Variants in ANKLE2 observed in about 807,000 individuals in gnomAD.
The protein encoded by ANKLE2 is ankyrin repeat and LEM domain containing 2.
Under a neutral mutation model 84.2 loss-of-function variants are expected in ANKLE2, and 55 were observed. That is an observed-to-expected ratio of 0.65 (90% CI 0.53 to 0.82). ANKLE2 has a LOEUF of 0.82. ANKLE2 is among the 40% of genes least tolerant of loss of function. The probability of loss-of-function intolerance (pLI) is 0.00; values close to 1 mark genes in which losing one functional copy is unlikely to be tolerated. For synonymous variants in ANKLE2, 551 were observed against 486.1 expected (o/e 1.13, Z -1.76); for missense variants, 1,238 against 1,201.9 (o/e 1.03, Z -0.44).
chr12:132,733,653 A>G (rs1423515737), intron 10 of ANKLE2, among the ~76,000 whole-genome samples: 14 of 105,528 alleles, frequency 1.3e-4, no homozygotes, highest in South Asian at 3.5e-4. Flanking sequence ...TGTCTGAAAT[A>G]CACTGTGTGA....
intron 2 of ANKLE2, among the ~76,000 whole-genome samples, chr12:132,752,192 T>C (rs1053724842): frequency 3.0e-4 from 46 of 151,890 alleles, no homozygotes; most frequent in African/African-American, 1.1e-3. Context: ...AATATAAAAT[T>C]AGCCGGGCGT....
chr12:132,737,686 G>C (rs1231502340), intron 7 of ANKLE2: 1 of 152,210 alleles, frequency 6.6e-6, no homozygotes, highest in Non-Finnish European at 1.5e-5. Flanking sequence ...CTGCACTCCA[G>C]CCTGAGCGAC....
At chr12:132,753,468 A>G (rs1334967630) in intron 2 of ANKLE2, among the ~76,000 whole-genome samples, 1 of 151,910 alleles carries the variant, frequency 6.6e-6, no homozygotes, top group Non-Finnish European at 1.5e-5. Flanking sequence ...CCGCCTCTAT[A>G]AAAAATACAA....
intron 7 of ANKLE2, among the ~76,000 whole-genome samples, chr12:132,741,047 C>T (rs899823139): frequency 6.6e-6 from 1 of 152,194 alleles, no homozygotes; most frequent in African/African-American, 2.4e-5. Flanking sequence ...CCTGCCTCTC[C>T]CTGAGCTGTT....
In ANKLE2 at chr12:132,728,693, G is replaced by A. The variant is rs567179256; in HGVS notation, c.2484-530C>T. ...AGGCCAGGGAGGCGGATGCAGACTC[G>A]CTGTTCTGTGATGAGAAGAGCAGGG... is the stretch of plus-strand genomic sequence containing the variant. On this transcript the variant is annotated intron_variant, in intron 11 of 12. Transcript: ENST00000357997. Among the ~76,000 whole-genome samples the A allele has an allele frequency of 2.0e-5, 3 of 152,322 alleles. No homozygotes were observed. The East Asian group carries it at 5.8e-4, about 29-fold the overall frequency.
rs1435345207 is a variant in ANKLE2 at position 132,725,954 on chromosome 12, A to G, written c.*1288T>C. ...TCCTGACCTATCTCTTGTCATATGA[A>G]AGAAAGAAGCCTTTTTTTAAAACAA... On this transcript the variant is annotated 3_prime_UTR_variant, in exon 13 of 13. Coordinates refer to ENST00000357997, the MANE Select transcript of ANKLE2 (RefSeq NM_015114.3). 1 of 152,230 alleles carries G rather than the reference A, an allele frequency of 6.6e-6. No individual in the cohort carries two copies. The highest frequency in any genetic ancestry group is 2.4e-5 in the African/African-American group (1 of 41,458). 9.4% of individuals were successfully genotyped at this position (152,230 alleles called of 1,614,324 possible). A position where few individuals can be genotyped will look rare whatever the true frequency, so the allele number is the denominator to read the frequency against.
chr12:132,737,041 C>T lies in ANKLE2; in HGVS notation c.1445G>A (p.Arg482Lys). The change falls in exon 8 of 13, where the codon AGA (arginine) becomes AAA (lysine). Residue 482 changes from arginine to lysine, a missense_variant. By Grantham distance (26) the Arg-to-Lys change is conservative. Transcript: ENST00000357997. Reference protein sequence around the residue: ...LKGHYYVPLLRAEETSSPVIG... With the variant: ...LKGHYYVPLLKAEETSSPVIG... ...GACTGGAGAAGAAGTCTCTTCCGCT[C>T]TCAGGAGGGGCACGTAGTAGTGGCC... 6.2e-7 allele frequency: 1 copy of T among 1,607,224 alleles called. No individual in the cohort carries two copies. The highest frequency in any genetic ancestry group is 8.5e-7 in the Non-Finnish European group (1 of 1,174,998).
At chr12:132,756,571 T>C (rs1334745224) in intron 1 of ANKLE2, 1 of 150,852 alleles carries the variant, frequency 6.6e-6, no homozygotes, top group Non-Finnish European at 1.5e-5. Context: ...GGGGGAGTAA[T>C]ACATCTGAAT....
chr12:132,729,768 G>T lies in ANKLE2; in HGVS notation c.2394C>A (p.Ile798=). 1 of 1,612,156 alleles carries T rather than the reference G, an allele frequency of 6.2e-7. No homozygotes were observed. Among genetic ancestry groups the T allele is most frequent in the Non-Finnish European group, 8.5e-7 (1 of 1,179,646 alleles). Residue 798 remains isoleucine, a synonymous_variant, in exon 11 of 13, where the codon ATC becomes ATA. Coordinates refer to ENST00000357997, the MANE Select transcript of ANKLE2 (RefSeq NM_015114.3). Reference sequence around the variant, plus strand: ...TGCTGGGACTCAAGGACATTTTAGCGATCCTGGCTGACATTTCACTTTCTG... The same window carrying T: ...TGCTGGGACTCAAGGACATTTTAGCTATCCTGGCTGACATTTCACTTTCTG... The part of the protein sequence containing the change: ...RRTESEMSAR[I]AKMSLSPSSP...
chr12:132,749,328 G>A lies in ANKLE2; in HGVS notation c.848-997C>T, dbSNP rs535148494. On this transcript the variant is annotated intron_variant, in intron 3 of 12. Coordinates refer to ENST00000357997, the MANE Select transcript of ANKLE2 (RefSeq NM_015114.3). ...CTGCCACCACGGCCAGCTAATTTTC[G>A]TATTTTTAATAGAGACGGGGTTTCA... Among the ~76,000 whole-genome samples, 464 of 151,658 alleles carry A rather than the reference G, an allele frequency of 3.1e-3. 2 individuals are homozygous for A. The highest frequency in any genetic ancestry group is 0.011 in the African/African-American group (444 of 41,370).
Position 132,754,979 on chromosome 12 carries a change from C to T in ANKLE2, c.336G>A (p.Glu112=), listed in dbSNP as rs2044446430. Reference sequence around the variant, plus strand: ...AGAAAGAAGACAGCCTTCCTCCTTGCTCCAGTAAAGCCTGAGCCAATTTTT... The same window carrying T: ...AGAAAGAAGACAGCCTTCCTCCTTGTTCCAGTAAAGCCTGAGCCAATTTTT... The part of the protein sequence containing the change: ...FEKKLAQALL[E]QGGRLSSFYH... Residue 112 remains glutamate, a synonymous_variant, in exon 2 of 13, where the codon GAG becomes GAA. Coordinates refer to ENST00000357997, the MANE Select transcript of ANKLE2 (RefSeq NM_015114.3). 1.2e-6 allele frequency: 2 copies of T among 1,614,210 alleles called. No individual in the cohort carries two copies. The highest frequency in any genetic ancestry group is 2.2e-5 in the East Asian group (1 of 44,884).
At chr12:132,757,236 A>C (rs534795969) in intron 1 of ANKLE2, 3 of 152,414 alleles carry the variant, frequency 2.0e-5, no homozygotes, top group South Asian at 4.1e-4. Flanking sequence ...GGGCAAAGCA[A>C]ATAATTGGAA....
rs2044279074 is a variant in ANKLE2, at chr12:132,748,137, C to T, written c.1041+1G>A. The T allele has an allele frequency of 2.5e-6, 4 of 1,612,906 alleles. No individual in the cohort carries two copies. Among genetic ancestry groups the T allele is most frequent in the Non-Finnish European group, 3.4e-6 (4 of 1,179,252 alleles). On this transcript the variant is annotated splice_donor_variant, in intron 4 of 12. Transcript: ENST00000357997. LOFTEE classifies it high-confidence loss of function. ...TGCCCGAGGGAACCGCCGAGACCTA[C>T]CTGCACGATAGTGGGGTTGTCTCCT... is the stretch of plus-strand genomic sequence containing the variant.
At chr12:132,756,100 C>T (rs1234382139) in intron 1 of ANKLE2, 1 of 151,880 alleles carries the variant, frequency 6.6e-6, no homozygotes, top group Non-Finnish European at 1.5e-5. Flanking sequence ...GGATTACAGG[C>T]ATAAGCCACC....
At chr12:132,741,267 G>T in intron 7 of ANKLE2, 152 bp downstream of exon 7, 1 of 709,308 alleles carries the variant, frequency 1.4e-6, no homozygotes, top group Non-Finnish European at 2.4e-6. Flanking sequence ...GAGAGCTCAG[G>T]AGAAGAAAGG....
At chr12:132,751,645 C>T (rs1296125845) in intron 2 of ANKLE2, among the ~76,000 whole-genome samples, 1 of 151,752 alleles carries the variant, frequency 6.6e-6, no homozygotes, top group East Asian at 1.9e-4. Context: ...CAGGTCCAAG[C>T]GATTCTCCCG....
chr12:132,727,543 C>A, intron 12 of ANKLE2, 100 bp from the exon 13 acceptor site: 2 of 1,349,654 alleles, frequency 1.5e-6, no homozygotes, highest in South Asian at 2.7e-5. Flanking sequence ...CACATGCGCC[C>A]GGGCGGAGGA....
At chr12:132,752,726 T>G (rs192880774) in intron 2 of ANKLE2, among the ~76,000 whole-genome samples, 1 of 152,218 alleles carries the variant, frequency 6.6e-6, no homozygotes, top group African/African-American at 2.4e-5. Context: ...TCATAGTGTT[T>G]AACCAATTAT....
chr12:132,754,070 G>A (rs1297185951), intron 2 of ANKLE2, among the ~76,000 whole-genome samples: 2 of 150,968 alleles, frequency 1.3e-5, no homozygotes, highest in South Asian at 2.1e-4. Context: ...GTGAAACCCC[G>A]TCTCTACTAA....
Sources: allele counts gnomAD v4.1 joint callset (sites outside exome capture counted in the v4.1 genomes callset), GRCh38; gene constraint gnomAD v4.1.1; transcripts MANE v1.5; gene names NCBI Gene and HGNC (gene_info 2026-07-23, HGNC 2026-07-21).